The following TCAIM variants were observed in gnomAD, a reference collection of about 807,000 sequenced individuals.
TCAIM encodes T-cell activation inhibitor, mitochondrial.
Under a neutral mutation model 58.6 loss-of-function variants are expected in TCAIM, and 36 were observed. The ratio of observed to expected loss-of-function variants is 0.61; its 90% CI spans 0.47 to 0.81. TCAIM has a LOEUF of 0.81. Ranked by LOEUF, TCAIM falls within the 30% of genes least tolerant of loss-of-function variation. The pLI is 0.00. For synonymous variants in TCAIM, 172 were observed against 193.6 expected, an observed-to-expected ratio of 0.89 and a Z score of 0.93; for missense variants, 466 against 579.6, an observed-to-expected ratio of 0.80 and a Z score of 2.01.
rs11310204 is a variant in TCAIM, at chr3:44,366,463, GTTTTTTTTTTTT to G, written c.320-984_320-973del. ...CCACTGCGCCTGGCTAATTTTTGTTGTTTTTTTTTTTTTTTTTTTTGAGACAGAGTCTCGCTC... is the reference window on the plus strand; with the variant it reads ...CCACTGCGCCTGGCTAATTTTTGTTGTTTTTTTTGAGACAGAGTCTCGCTC... On this transcript the variant is annotated intron_variant, in intron 4 of 10. Transcript: ENST00000342649. 3.6e-5 allele frequency among the ~76,000 whole-genome samples: 3 copies of G among 83,036 alleles called. No homozygotes were observed. In the Admixed American group the frequency reaches 4.5e-4, roughly 12 times the overall value. 54.5% of individuals were successfully genotyped at this position (83,036 alleles called of 152,430 possible).
intron 5 of TCAIM, among the ~76,000 whole-genome samples, chr3:44,376,021 T>G (rs910224252): frequency 1.3e-5 from 2 of 152,258 alleles, no homozygotes; most frequent in African/African-American, 4.8e-5. Flanking sequence ...TGATACTTAC[T>G]ACGACATGGA....
chr3:44,355,072 A>C (rs1294916508), intron 2 of TCAIM, among the ~76,000 whole-genome samples: 1 of 152,224 alleles, frequency 6.6e-6, no homozygotes, highest in East Asian at 1.9e-4. Flanking sequence ...TTTCCTCTTA[A>C]CACAATTCAC....
Position 44,401,459 on chromosome 3 carries a change from A to C in TCAIM, c.1250+125A>C, listed in dbSNP as rs1702020837. 6 of 1,182,820 alleles carry C rather than the reference A, an allele frequency of 5.1e-6. No homozygotes were observed. The South Asian group carries it at 9.3e-5, about 18-fold the overall frequency. The allele number at this position is 1,182,820 out of a possible 1,614,324, so 73.3% of individuals were successfully genotyped here. A position where few individuals can be genotyped will look rare whatever the true frequency, so the allele number is the denominator to read the frequency against. ...GCTTAGGAAATTGACTAATTATTAG[A>C]TATTCCATATTTATTTCTTCCCTAC... On this transcript the variant is annotated intron_variant, in intron 10 of 10. Transcript: ENST00000342649.
intron 5 of TCAIM, among the ~76,000 whole-genome samples, chr3:44,383,211 G>A (rs541844730): frequency 2.6e-5 from 4 of 152,162 alleles, no homozygotes; most frequent in Admixed American, 6.5e-5. Flanking sequence ...TAGATTTACC[G>A]TAAAATTGAG....
intron 1 of TCAIM, among the ~76,000 whole-genome samples, chr3:44,348,993 G>C (rs1701030579): frequency 6.6e-6 from 1 of 152,156 alleles, no homozygotes; most frequent in Admixed American, 6.6e-5. Context: ...GCTGGACCAG[G>C]GGTGAGGAGG....
rs114391889 is a variant in TCAIM, at chr3:44,355,493, A to G, written c.29+682A>G. ...GAGTAAGGAATACAGTGATGGTGGA[A>G]TTTTAAGAAAGTTAATCTGTTGGTG... On this transcript the variant is annotated intron_variant, in intron 2 of 10. Transcript: ENST00000342649. Among the ~76,000 whole-genome samples, 615 of 152,338 alleles carry G rather than the reference A, an allele frequency of 4.0e-3. 5 individuals carry two copies. The highest frequency in any genetic ancestry group is 0.014 in the African/African-American group (590 of 41,564).
At chr3:44,404,742 G>A (rs1425629049) in intron 10 of TCAIM, among the ~76,000 whole-genome samples, 2 of 151,064 alleles carry the variant, frequency 1.3e-5, no homozygotes, top group Non-Finnish European at 3.0e-5. Flanking sequence ...CTTATAAGGT[G>A]GATTCTTAAG....
intron 1 of TCAIM, among the ~76,000 whole-genome samples, chr3:44,352,189 A>G (rs1701107172): frequency 6.6e-6 from 1 of 151,750 alleles, no homozygotes; most frequent in South Asian, 2.1e-4. Context: ...CGTGCTACTC[A>G]GCAGCTCTCC....
chr3:44,350,403 C>G (rs184400876), intron 1 of TCAIM, among the ~76,000 whole-genome samples: 1 of 151,994 alleles, frequency 6.6e-6, no homozygotes, highest in Non-Finnish European at 1.5e-5. Flanking sequence ...AATTACCTCC[C>G]GAAGGCCCCA....
At chr3:44,339,715 T>A (rs1434943543) in intron 1 of TCAIM, 1 of 152,238 alleles carries the variant, frequency 6.6e-6, no homozygotes, top group Non-Finnish European at 1.5e-5. Flanking sequence ...AGAGAAGACC[T>A]TCCTGAGCTC....
chr3:44,362,634 G>A (rs1007346441), intron 4 of TCAIM: 3 of 382,760 alleles, frequency 7.8e-6, no homozygotes, highest in Non-Finnish European at 1.4e-5. Context: ...ATTAAAAATA[G>A]CCCTATTCTT....
At chr3:44,401,105 GA>G (rs1442163627) in intron 9 of TCAIM, 97 bp from the exon 10 acceptor site, 3 of 1,506,178 alleles carry the variant, frequency 2.0e-6, no homozygotes, top group Admixed American at 4.4e-5. Flanking sequence ...TTTTCTTGAT[GA>G]TTTTTTTTTA....
intron 9 of TCAIM, chr3:44,400,985 G>T: frequency 1.7e-6 from 1 of 593,026 alleles, no homozygotes; most frequent in Non-Finnish European, 2.8e-6. Flanking sequence ...CCTGGCATGT[G>T]ACAGATAAGG....
At chr3:44,389,857 A>T (rs1409042917) in intron 5 of TCAIM, among the ~76,000 whole-genome samples, 1 of 151,848 alleles carries the variant, frequency 6.6e-6, no homozygotes, top group Non-Finnish European at 1.5e-5. Context: ...GTCCCTCTCC[A>T]GTCTCTTATG....
intron 5 of TCAIM, among the ~76,000 whole-genome samples, chr3:44,371,131 C>T (rs774128600): frequency 1.3e-5 from 2 of 151,806 alleles, no homozygotes; most frequent in Non-Finnish European, 2.9e-5. Context: ...AGACTGGTCT[C>T]GAACTCTTGA....
intron 5 of TCAIM, among the ~76,000 whole-genome samples, chr3:44,371,490 A>G (rs922685196): frequency 2.6e-5 from 4 of 152,152 alleles, no homozygotes; most frequent in African/African-American, 4.8e-5. Context: ...GAGAGAGAGG[A>G]CAGCACTACA....
At chr3:44,366,372 C>T (rs1701374185) in intron 4 of TCAIM, among the ~76,000 whole-genome samples, 1 of 151,820 alleles carries the variant, frequency 6.6e-6, no homozygotes, top group South Asian at 2.1e-4. Flanking sequence ...ACTGCAACCT[C>T]CGCCTCCCAG....
intron 1 of TCAIM, among the ~76,000 whole-genome samples, chr3:44,345,723 G>GAAAGT (rs1303227868): frequency 6.6e-6 from 1 of 152,172 alleles, no homozygotes; most frequent in African/African-American, 2.4e-5. Context: ...GAGTGAGTAT[G>GAAAGT]AAAGTAAAGA....
At chr3:44,376,802 G>T (rs997554198) in intron 5 of TCAIM, among the ~76,000 whole-genome samples, 1 of 152,134 alleles carries the variant, frequency 6.6e-6, no homozygotes, top group African/African-American at 2.4e-5. Flanking sequence ...TAAAAAACAT[G>T]ATTTGGCCGG....
Sources: allele counts gnomAD v4.1 joint callset (sites outside exome capture counted in the v4.1 genomes callset), GRCh38; gene constraint gnomAD v4.1.1; transcripts MANE v1.5; gene names NCBI Gene and HGNC (gene_info 2026-07-23, HGNC 2026-07-21).